The following HEXB variants were observed in gnomAD, a reference collection of about 807,000 sequenced individuals.
The protein encoded by HEXB is beta-hexosaminidase subunit beta.
A neutral mutation model predicts 71.2 loss-of-function variants in HEXB; 51 were observed. The ratio of observed to expected loss-of-function variants is 0.72; its 90% CI spans 0.57 to 0.90. The LOEUF (loss-of-function observed/expected upper bound fraction) is 0.90. Ranked by LOEUF, HEXB falls within the 40% of genes least tolerant of loss-of-function variation. The pLI, the probability that HEXB is intolerant of heterozygous loss-of-function variation, is 0.00. For missense variants in HEXB, 617 were observed against 677.0 expected (o/e 0.91, Z 0.98); for synonymous variants, 266 against 249.3 (o/e 1.07, Z -0.63).
rs894035572 is a variant in HEXB at position 74,652,856 on chromosome 5, G to C, written c.-377+12298G>C. The stretch of plus-strand genomic sequence containing the variant: ...GGCCCATCCCATAAGGAGCAAGGGG[G>C]AAAAGCCTCCCTCTTGGGCGACTAC... On this transcript the variant is annotated intron_variant, in intron 1 of 13. Coordinates refer to the HEXB transcript ENST00000511181. The surrounding 1 kb of genome is among the most constrained non-coding windows in gnomAD (Gnocchi z 5.4). Among the ~76,000 whole-genome samples the C allele has an allele frequency of 6.6e-6, 1 of 152,122 alleles. No individual in the cohort carries two copies. The highest frequency in any genetic ancestry group is 1.5e-5 in the Non-Finnish European group (1 of 68,012).
upstream of HEXB, among the ~76,000 whole-genome samples, chr5:74,684,565 A>T (rs987249179): frequency 2.6e-5 from 4 of 152,004 alleles, no homozygotes; most frequent in African/African-American, 9.7e-5. Flanking sequence ...CTCCAGCTTC[A>T]CCGAAGCCAG....
At chr5:74,683,678 G>T (rs1748780828), upstream of HEXB, among the ~76,000 whole-genome samples, 1 of 152,036 alleles carries the variant, frequency 6.6e-6, no homozygotes, top group Non-Finnish European at 1.5e-5. Context: ...GGAAGAAAGG[G>T]GAGCAGGAGA....
At chr5:74,698,516 C>T (rs764525882) in intron 5 of HEXB, among the ~76,000 whole-genome samples, 14 of 151,698 alleles carry the variant, frequency 9.2e-5, no homozygotes, top group South Asian at 2.1e-4. Flanking sequence ...CTCGGCCTCC[C>T]GAGTAGCTGG....
rs560247245 is a variant in HEXB at position 74,685,265 on chromosome 5, A to T, written c.5A>T (p.Glu2Val). 2.5e-5 allele frequency: 38 copies of T among 1,530,536 alleles called. 1 individual carries two copies. The South Asian group carries it at 4.6e-4, about 18-fold the overall frequency. The allele number at this position is 1,530,536 out of a possible 1,614,324, so 94.8% of individuals were successfully genotyped here. A position where few individuals can be genotyped will look rare whatever the true frequency, so the allele number is the denominator to read the frequency against. MELCGLGLPRPP... is the reference protein window; with the variant it reads MVLCGLGLPRPP... The stretch of plus-strand genomic sequence containing the variant: ...GCGGAAAGCAGCCGAGCGGCCATGG[A>T]GCTGTGCGGGCTGGGGCTGCCCCGG... Residue 2 changes from glutamate to valine, a missense_variant, in exon 1 of 14, where the codon GAG becomes GTG. Transcript: ENST00000261416.
At chr5:74,696,768 A>G (rs1749122073) in intron 4 of HEXB, 29 bp downstream of exon 4, 4 of 1,206,800 alleles carry the variant, frequency 3.3e-6, no homozygotes, top group African/African-American at 1.5e-5. Flanking sequence ...TGTTACTAAA[A>G]ATTGTTAGAC....
intron 5 of HEXB, among the ~76,000 whole-genome samples, chr5:74,703,666 T>C (rs1470944883): frequency 1.3e-5 from 2 of 152,144 alleles, no homozygotes; most frequent in Non-Finnish European, 2.9e-5. Flanking sequence ...CAGTTCACCA[T>C]CTATTTTCAC....
At chr5:74,701,379 C>A (rs1025525212) in intron 5 of HEXB, among the ~76,000 whole-genome samples, 10 of 151,850 alleles carry the variant, frequency 6.6e-5, no homozygotes, top group African/African-American at 2.2e-4. Flanking sequence ...TGTATCAAAC[C>A]TATTAGGTAT....
At chr5:74,669,072 C>T (rs976810892) in intron 1 of HEXB, among the ~76,000 whole-genome samples, 1 of 152,146 alleles carries the variant, frequency 6.6e-6, no homozygotes, top group Non-Finnish European at 1.5e-5. Context: ...AGCAAGTCTC[C>T]TCCCTAGTAG....
chr5:74,703,614 C>T (rs1665886), intron 5 of HEXB, among the ~76,000 whole-genome samples: 131,019 of 151,774 alleles, frequency 0.86, 56,839 homozygotes, highest in Non-Finnish European at 0.9. Flanking sequence ...TCTATATCTG[C>T]TAATATCAGG....
At chr5:74,701,698 T>C (rs548939616) in intron 5 of HEXB, among the ~76,000 whole-genome samples, 1 of 152,222 alleles carries the variant, frequency 6.6e-6, no homozygotes, top group East Asian at 1.9e-4. Flanking sequence ...ATATACTCTT[T>C]ACCCAGATAC....
intron 1 of HEXB, among the ~76,000 whole-genome samples, chr5:74,661,506 T>C (rs1748319030): frequency 1.5e-5 from 1 of 65,960 alleles, no homozygotes; most frequent in South Asian, 5.8e-4. Context: ...ATTCATTTTC[T>C]CTCTCTCTGT....
chr5:74,704,086 C>T (rs910820197), intron 5 of HEXB, among the ~76,000 whole-genome samples: 18 of 152,330 alleles, frequency 1.2e-4, no homozygotes, highest in African/African-American at 3.8e-4. Context: ...GCTTGCAAAG[C>T]CAAAATATTT....
At position 74,645,851 on chromosome 5, in the gene HEXB, T is replaced by C. The variant is rs533693286; in HGVS notation, c.-377+5293T>C. Among the ~76,000 whole-genome samples the C allele has an allele frequency of 2.8e-4, 42 of 152,314 alleles. 1 individual carries two copies. In the South Asian group the frequency reaches 8.3e-3, roughly 30 times the overall value. On this transcript the variant is annotated intron_variant, in intron 1 of 13. Coordinates refer to the HEXB transcript ENST00000511181. ...CTCAGAACAATGTATGGTAGAAATA[T>C]AGAAAACACAGAAAAGCAAAAGAAG...
In HEXB at chr5:74,689,539, A is replaced by G. The variant is rs537110314; in HGVS notation, c.445+66A>G. 7.6e-5 allele frequency: 100 copies of G among 1,323,452 alleles called. No individual in the cohort carries two copies. In the Admixed American group the frequency reaches 1.2e-3, roughly 16 times the overall value. The allele number at this position is 1,323,452 out of a possible 1,614,324, so 82.0% of individuals were successfully genotyped here. A position where few individuals can be genotyped will look rare whatever the true frequency, so the allele number is the denominator to read the frequency against. ...CTCGCTGACGGACTTAAGTGCCAAA[A>G]ACTGACTCCATGCTAGGAACCACTG... On this transcript the variant is annotated intron_variant, in intron 2 of 13. Transcript: ENST00000261416.
At chr5:74,718,753 G>T (rs770008664) in intron 10 of HEXB, 44 bp from the exon 11 acceptor site, 3 of 1,573,044 alleles carry the variant, frequency 1.9e-6, no homozygotes, top group African/African-American at 2.7e-5. Flanking sequence ...TTCATCTACT[G>T]TTCTAGGCCT....
chr5:74,705,338 T>C lies in HEXB; in HGVS notation c.771+18T>C. On this transcript the variant is annotated intron_variant, in intron 6 of 13. Coordinates refer to ENST00000261416, the MANE Select transcript of HEXB (RefSeq NM_000521.4). Reference sequence around the variant, plus strand: ...GCAATAAAGTGAGTAAATTGTATTGTACTCTGTCTACAAAAACATTGGGTA... The same window carrying C: ...GCAATAAAGTGAGTAAATTGTATTGCACTCTGTCTACAAAAACATTGGGTA... 1 of 1,277,296 alleles carries C rather than the reference T, an allele frequency of 7.8e-7. No homozygotes were observed. The highest frequency in any genetic ancestry group is 1.1e-6 in the Non-Finnish European group (1 of 872,566). 79.1% of individuals were successfully genotyped at this position (1,277,296 alleles called of 1,614,324 possible).
intron 6 of HEXB, chr5:74,705,611 A>C (rs578155213): frequency 8.3e-6 from 3 of 359,752 alleles, no homozygotes; most frequent in Non-Finnish European, 1.6e-5. Context: ...CATATGGTTA[A>C]GATAATATAT....
chr5:74,700,493 G>C (rs1431156224), intron 5 of HEXB, among the ~76,000 whole-genome samples: 1 of 149,578 alleles, frequency 6.7e-6, no homozygotes, highest in Non-Finnish European at 1.5e-5. Context: ...TTTGTGTAGA[G>C]ATAGGGTCTC....
chr5:74,688,242 TA>T (rs1748915921), intron 1 of HEXB, among the ~76,000 whole-genome samples: 1 of 81,352 alleles, frequency 1.2e-5, no homozygotes, highest in Non-Finnish European at 3.2e-5. Context: ...TTGTATTTAA[TA>T]TTAATATTAA....
Sources: allele counts gnomAD v4.1 joint callset (sites outside exome capture counted in the v4.1 genomes callset), GRCh38; gene constraint gnomAD v4.1.1; non-coding constraint Gnocchi (gnomAD v3.1); transcripts MANE v1.5; gene names NCBI Gene and HGNC (gene_info 2026-07-23, HGNC 2026-07-21).